Variants in SPATA17 observed in about 807,000 individuals in gnomAD.
SPATA17 encodes the protein spermatogenesis-associated protein 17.
SPATA17 carries 53 observed loss-of-function variants against 62.2 expected under a neutral mutation model. The ratio of observed to expected loss-of-function variants is 0.85; its 90% CI spans 0.68 to 1.07. The LOEUF (loss-of-function observed/expected upper bound fraction) is 1.07, where lower values mean the gene tolerates loss of function less well. Ranked by LOEUF, SPATA17 falls within the 50% of genes least tolerant of loss-of-function variation. The pLI, the probability that SPATA17 is intolerant of heterozygous loss-of-function variation, is 0.00. For synonymous variants in SPATA17, 146 were observed against 146.8 expected (o/e 0.99, Z 0.04); for missense variants, 466 against 425.5 (o/e 1.10, Z -0.84).
chr1:217,771,450 C>T (rs2102970118), intron 6 of SPATA17, among the ~76,000 whole-genome samples: 1 of 152,076 alleles, frequency 6.6e-6, no homozygotes, highest in Admixed American at 6.6e-5. Flanking sequence ...TCATAAGTGG[C>T]TTACTAATGA....
intron 3 of SPATA17, among the ~76,000 whole-genome samples, chr1:217,657,613 G>A (rs763002019): frequency 4.0e-4 from 61 of 151,996 alleles, no homozygotes; most frequent in Non-Finnish European, 7.6e-4. Flanking sequence ...TAATTTTTTT[G>A]ATCTTACAGT....
At position 217,808,124 on chromosome 1, in the gene SPATA17, A is replaced by G. The variant is rs1674486927; in HGVS notation, c.1005+6274A>G. 2.0e-5 allele frequency among the ~76,000 whole-genome samples: 3 copies of G among 152,190 alleles called. No individual in the cohort carries two copies. The South Asian group carries it at 6.2e-4, about 31-fold the overall frequency. ...GAGTATCTCCAGCCTTCCAAAAAGC[A>G]GGAAAATATGGGAAGATACATTCAT... On this transcript the variant is annotated intron_variant, in intron 9 of 10. Coordinates refer to ENST00000366933, the MANE Select transcript of SPATA17 (RefSeq NM_138796.4).
At chr1:217,637,461 C>A (rs905807194) in intron 1 of SPATA17, among the ~76,000 whole-genome samples, 2 of 152,114 alleles carry the variant, frequency 1.3e-5, no homozygotes, top group South Asian at 4.1e-4. Flanking sequence ...AGCAGGGGTA[C>A]ATTACTCTAT....
chr1:217,689,057 G>T (rs942685864), intron 5 of SPATA17, among the ~76,000 whole-genome samples: 15 of 152,030 alleles, frequency 9.9e-5, no homozygotes. Context: ...AATAAGTCAT[G>T]ATTTAATACT....
chr1:217,647,429 A>G (rs1178333594), intron 1 of SPATA17, among the ~76,000 whole-genome samples: 1 of 152,240 alleles, frequency 6.6e-6, no homozygotes, highest in Non-Finnish European at 1.5e-5. Context: ...GTTGAGTGTT[A>G]GGAGTAATAC....
At chr1:217,645,378 A>G (rs1458717836) in intron 1 of SPATA17, among the ~76,000 whole-genome samples, 1 of 152,162 alleles carries the variant, frequency 6.6e-6, no homozygotes, top group Non-Finnish European at 1.5e-5. Context: ...TCCTACAAAT[A>G]CATTAATAAC....
chr1:217,705,813 A>G (rs1373126326), intron 5 of SPATA17, among the ~76,000 whole-genome samples: 4 of 152,180 alleles, frequency 2.6e-5, no homozygotes, highest in Non-Finnish European at 5.9e-5. Flanking sequence ...CATCTTATCC[A>G]GAATGGTATG....
intron 5 of SPATA17, among the ~76,000 whole-genome samples, chr1:217,707,602 G>T (rs989163851): frequency 6.6e-6 from 1 of 152,092 alleles, no homozygotes; most frequent in Non-Finnish European, 1.5e-5. Context: ...CAATAATACT[G>T]GGAGACATCA....
At chr1:217,668,175 A>G (rs17724636) in intron 3 of SPATA17, among the ~76,000 whole-genome samples, 7,685 of 152,338 alleles carry the variant, frequency 0.05, 253 homozygotes, top group Middle Eastern at 0.12. Flanking sequence ...ATAAAGTTGT[A>G]TACCATGTTA....
chr1:217,766,444 A>T (rs959829510), intron 6 of SPATA17, among the ~76,000 whole-genome samples: 5 of 151,960 alleles, frequency 3.3e-5, no homozygotes, highest in African/African-American at 1.2e-4. Context: ...ACCACTTCAT[A>T]GGTAGTACAA....
At chr1:217,678,558 G>A (rs909274984) in intron 4 of SPATA17, among the ~76,000 whole-genome samples, 3 of 152,050 alleles carry the variant, frequency 2.0e-5, no homozygotes, top group Admixed American at 6.6e-5. Flanking sequence ...TCTTTTAGTG[G>A]CATTAAGGTT....
chr1:217,825,499 A>G (rs1232939135), intron 9 of SPATA17, among the ~76,000 whole-genome samples: 1 of 151,862 alleles, frequency 6.6e-6, no homozygotes, highest in Non-Finnish European at 1.5e-5. Flanking sequence ...GCCACAATTT[A>G]TCAATTTTAC....
intron 5 of SPATA17, among the ~76,000 whole-genome samples, chr1:217,732,569 C>G (rs1244751847): frequency 1.3e-5 from 2 of 152,158 alleles, no homozygotes; most frequent in African/African-American, 4.8e-5. Context: ...CCTCCTCCTC[C>G]ACAGCTGAAT....
Position 217,631,385 on chromosome 1 carries a change from A to G in SPATA17, c.7A>G (p.Thr3Ala), listed in dbSNP as rs1558543126. 1.2e-6 allele frequency: 2 copies of G among 1,614,070 alleles called. No homozygotes were observed. The highest frequency in any genetic ancestry group is 1.7e-6 in the Non-Finnish European group (2 of 1,180,040). Reference sequence around the variant, plus strand: ...AACCCAAGGCCAAGAGACCATGGCCACGTTAGCCCGGCTGCAAGCTAGGTC... The same window carrying G: ...AACCCAAGGCCAAGAGACCATGGCCGCGTTAGCCCGGCTGCAAGCTAGGTC... MA[T>A]LARLQARSST... is the part of the protein sequence containing the mutation. The change falls in exon 1 of 11, where the codon ACG becomes GCG. Residue 3 changes from threonine (T) to alanine (A), a missense_variant. Transcript: ENST00000366933.
chr1:217,688,373 T>C (rs1367239755), intron 5 of SPATA17, among the ~76,000 whole-genome samples: 1 of 152,242 alleles, frequency 6.6e-6, no homozygotes, highest in African/African-American at 2.4e-5. Flanking sequence ...TATCATCTCT[T>C]GCCTGGACTC....
intron 9 of SPATA17, among the ~76,000 whole-genome samples, 160 bp downstream of exon 9, chr1:217,802,010 A>C (rs1394763706): frequency 1.3e-5 from 2 of 151,278 alleles, no homozygotes; most frequent in Non-Finnish European, 2.9e-5. Flanking sequence ...GACCTATGTA[A>C]GATTTTTTTT....
intron 5 of SPATA17, among the ~76,000 whole-genome samples, chr1:217,689,009 G>C (rs956569126): frequency 6.6e-6 from 1 of 152,022 alleles, no homozygotes; most frequent in African/African-American, 2.4e-5. Flanking sequence ...ACTTTGTCAA[G>C]CAGCTGCAAT....
intron 7 of SPATA17, among the ~76,000 whole-genome samples, chr1:217,780,313 C>G (rs1416131190): frequency 7.0e-6 from 1 of 142,692 alleles, no homozygotes; most frequent in Non-Finnish European, 1.6e-5. Flanking sequence ...AGCTCAAAGA[C>G]AAGATGCTAA....
chr1:217,640,858 A>G (rs983228770), intron 1 of SPATA17, among the ~76,000 whole-genome samples: 4 of 152,130 alleles, frequency 2.6e-5, no homozygotes, highest in Admixed American at 6.5e-5. Context: ...ATGTAAAAAT[A>G]CATAGAGATA....
Sources: gnomAD v4.1 joint callset for allele counts (sites outside exome capture counted in the v4.1 genomes callset) on GRCh38, gnomAD v4.1.1 for gene constraint, MANE v1.5 for transcripts, NCBI Gene and HGNC (gene_info 2026-07-23, HGNC 2026-07-21) for gene names.